JAZF1: variants seen among roughly 807,000 people sequenced by gnomAD.
JAZF1 encodes the protein juxtaposed with another zinc finger protein 1.
JAZF1 carries 8 observed loss-of-function variants against 26.4 expected under a neutral mutation model. The ratio of observed to expected loss-of-function variants is 0.30; its 90% confidence interval spans 0.18 to 0.55. JAZF1 has a LOEUF of 0.55. Among genes scored for constraint, JAZF1 ranks in the 20% least tolerant of loss-of-function variants. The pLI, the probability that JAZF1 is intolerant of heterozygous loss-of-function variation, is 0.94. For missense variants in JAZF1, 199 were observed against 322.0 expected (o/e 0.62, Z 2.92); for synonymous variants, 126 against 122.3 (o/e 1.03, Z -0.20).
chr7:27,867,498 T>C (rs994186314), intron 3 of JAZF1, among the ~76,000 whole-genome samples: 1 of 152,226 alleles, frequency 6.6e-6, no homozygotes, highest in African/African-American at 2.4e-5. Context: ...AGAGTACTTC[T>C]GATTTTTAAG....
At chr7:28,008,654 A>C (rs910495483) in intron 1 of JAZF1, among the ~76,000 whole-genome samples, 1 of 152,258 alleles carries the variant, frequency 6.6e-6, no homozygotes. Flanking sequence ...AATTATTTGC[A>C]TAAAGAACTT....
At chr7:28,048,443 A>T (rs1783533826) in intron 1 of JAZF1, among the ~76,000 whole-genome samples, 1 of 152,154 alleles carries the variant, frequency 6.6e-6, no homozygotes, top group South Asian at 2.1e-4. Flanking sequence ...TATTGATTTG[A>T]ATACTTAGTC....
chr7:28,064,682 C>T (rs1302225556), intron 1 of JAZF1, among the ~76,000 whole-genome samples: 2 of 152,152 alleles, frequency 1.3e-5, no homozygotes, highest in African/African-American at 4.8e-5. Context: ...ATCTTATTAT[C>T]ATCTAACTCA....
intron 2 of JAZF1, among the ~76,000 whole-genome samples, chr7:27,971,813 G>A (rs565911425): frequency 2.6e-5 from 4 of 152,248 alleles, no homozygotes; most frequent in East Asian, 1.9e-4. Context: ...TGTTTAATTC[G>A]CCACTTTATG....
At chr7:28,034,616 T>C (rs1783253156) in intron 1 of JAZF1, among the ~76,000 whole-genome samples, 1 of 152,206 alleles carries the variant, frequency 6.6e-6, no homozygotes, top group African/African-American at 2.4e-5. Flanking sequence ...GAGACAGCTC[T>C]GTCTTTAACT....
At chr7:27,970,313 A>G (rs1403945713) in intron 2 of JAZF1, among the ~76,000 whole-genome samples, 1 of 152,198 alleles carries the variant, frequency 6.6e-6, no homozygotes, top group Non-Finnish European at 1.5e-5. Flanking sequence ...TTCGGTAAGA[A>G]CCCACTTCTA....
intron 2 of JAZF1, among the ~76,000 whole-genome samples, chr7:27,905,434 TC>T (rs1230384070): frequency 2.3e-5 from 1 of 42,648 alleles, no homozygotes; most frequent in South Asian, 1.8e-3. Context: ...TTTCTTTCTT[TC>T]TTTTTTTTTT....
intron 1 of JAZF1, among the ~76,000 whole-genome samples, chr7:28,070,987 T>C (rs1297602140): frequency 1.3e-5 from 2 of 152,222 alleles, no homozygotes; most frequent in East Asian, 1.9e-4. Context: ...AAACTGTGAA[T>C]ACCTTCATGG....
At chr7:28,121,857 T>C (rs2127938221) in intron 1 of JAZF1, among the ~76,000 whole-genome samples, 1 of 152,224 alleles carries the variant, frequency 6.6e-6, no homozygotes, top group East Asian at 1.9e-4. Context: ...TTTATAATCA[T>C]CCTTCAATGT....
chr7:28,132,482 G>A (rs960817374), intron 1 of JAZF1, among the ~76,000 whole-genome samples: 1 of 152,134 alleles, frequency 6.6e-6, no homozygotes, highest in African/African-American at 2.4e-5. Flanking sequence ...TCAAGGACAT[G>A]GAAAGATTCT....
chr7:27,992,121 A>T (rs1473344621), intron 1 of JAZF1, 140 bp from the exon 2 acceptor site: 10 of 707,856 alleles, frequency 1.4e-5, no homozygotes, highest in Non-Finnish European at 2.6e-5. Flanking sequence ...GAGTCGGCGA[A>T]GCACAATCAT....
chr7:27,945,598 T>C (rs1310137594), intron 2 of JAZF1, among the ~76,000 whole-genome samples: 2 of 150,622 alleles, frequency 1.3e-5, no homozygotes, highest in African/African-American at 5.0e-5. Flanking sequence ...ATATCAAGGG[T>C]TGTGGTTCAT....
Position 27,858,437 on chromosome 7 carries a change from A to C in JAZF1, c.386-17570T>G, listed in dbSNP as rs201469215. Among the ~76,000 whole-genome samples the C allele has an allele frequency of 2.6e-5, 4 of 152,310 alleles. No homozygotes were observed. In the South Asian group the frequency reaches 8.3e-4, roughly 32 times the overall value. On this transcript the variant is annotated intron_variant, in intron 3 of 4. Transcript: ENST00000283928. ...CCATATAGCCAAGACAATCCTAAGCAAAAAGAACAAAGCTGGAGGCATCAT... is the reference window on the plus strand; with the variant it reads ...CCATATAGCCAAGACAATCCTAAGCCAAAAGAACAAAGCTGGAGGCATCAT...
At chr7:27,857,128 G>C (rs1007136329) in intron 3 of JAZF1, among the ~76,000 whole-genome samples, 1 of 152,208 alleles carries the variant, frequency 6.6e-6, no homozygotes, top group Non-Finnish European at 1.5e-5. Context: ...GGGGAGGCTT[G>C]GGCCGCGCAG....
At chr7:28,068,619 T>C in intron 1 of JAZF1, among the ~76,000 whole-genome samples, 1 of 151,938 alleles carries the variant, frequency 6.6e-6, no homozygotes, top group South Asian at 2.1e-4. Context: ...GTAAAGCAAA[T>C]TGAGAGGTTT....
intron 2 of JAZF1, among the ~76,000 whole-genome samples, chr7:27,928,420 G>A (rs1308563260): frequency 6.6e-6 from 1 of 152,162 alleles, no homozygotes; most frequent in Non-Finnish European, 1.5e-5. Context: ...CCAATTGCAG[G>A]CAAGGCCTTT....
At chr7:27,867,829 A>G (rs1430575022) in intron 3 of JAZF1, among the ~76,000 whole-genome samples, 1 of 152,222 alleles carries the variant, frequency 6.6e-6, no homozygotes, top group Non-Finnish European at 1.5e-5. Flanking sequence ...CTACATGCTT[A>G]TCTACTAAGC....
At chr7:27,895,140 T>C (rs1285979925) in intron 3 of JAZF1, 80 bp downstream of exon 3, 33 of 934,478 alleles carry the variant, frequency 3.5e-5, no homozygotes, top group Admixed American at 1.0e-4. Flanking sequence ...CCCCAGCCCC[T>C]TTCTGCCCCC....
intron 1 of JAZF1, among the ~76,000 whole-genome samples, chr7:28,073,511 A>G (rs1461936879): frequency 1.3e-5 from 2 of 152,106 alleles, no homozygotes; most frequent in African/African-American, 4.8e-5. Context: ...ACTTTAAATC[A>G]AAGTAGTTTG....
Sources: gnomAD v4.1 joint callset for allele counts (sites outside exome capture counted in the v4.1 genomes callset) on GRCh38, gnomAD v4.1.1 for gene constraint, MANE v1.5 for transcripts, NCBI Gene and HGNC (gene_info 2026-07-23, HGNC 2026-07-21) for gene names.